The following FAM120AOS variants were observed in gnomAD, a reference collection of about 807,000 sequenced individuals.
The protein encoded by FAM120AOS is uncharacterized protein FAM120AOS.
In FAM120AOS, 15 loss-of-function variants were observed where a neutral mutation model predicts 20.2. That is an observed-to-expected ratio of 0.74 (90% CI 0.50 to 1.15). The LOEUF is 1.15. Ranked by LOEUF, FAM120AOS falls within the 50% of genes most tolerant of loss-of-function variation. The pLI is 0.00. For synonymous variants in FAM120AOS, 154 were observed against 154.0 expected (o/e 1.00, Z 0.00); for missense variants, 327 against 351.9 (o/e 0.93, Z 0.57).
intron 2 of FAM120AOS, among the ~76,000 whole-genome samples, chr9:93,449,649 G>C (rs144587177): frequency 2.2e-3 from 336 of 151,708 alleles, no homozygotes; most frequent in African/African-American, 7.7e-3. Context: ...CACCACGCTC[G>C]GCTAATTTTT....
rs1469874686 is a variant in FAM120AOS, at chr9:93,443,919, G to A, written c.*3692C>T. Among the ~76,000 whole-genome samples, 2 of 152,138 alleles carry A rather than the reference G, an allele frequency of 1.3e-5. No individual in the cohort carries two copies. The highest frequency in any genetic ancestry group is 2.9e-5 in the Non-Finnish European group (2 of 68,026). On this transcript the variant is annotated 3_prime_UTR_variant, in exon 3 of 3. Transcript: ENST00000375412. ...TTTTGCCAAAAGGAACGCCCCTCAG[G>A]CAGAAAGCAGAGAGAGAAAAAAAGA...
Position 93,443,489 on chromosome 9 carries a change from C to T in FAM120AOS, c.*4122G>A, listed in dbSNP as rs550532062. Among the ~76,000 whole-genome samples the T allele has an allele frequency of 1.3e-4, 20 of 152,350 alleles. No individual in the cohort carries two copies. The highest frequency in any genetic ancestry group is 4.6e-4 in the African/African-American group (19 of 41,582). ...GTTTCAGGTTGGAAGGTCATTTTTA[C>T]AGTTCTGAACTGCTGTGCAGTGAGG... On this transcript the variant is annotated 3_prime_UTR_variant, in exon 3 of 3. Transcript: ENST00000375412.
intron 1 of FAM120AOS, chr9:93,451,653 G>GCCCT (rs1297456981): frequency 1.0e-6 from 1 of 976,256 alleles, no homozygotes; most frequent in Non-Finnish European, 1.2e-6. Flanking sequence ...CCGCCCGCCC[G>GCCCT]CCCCGCCCCG....
At position 93,447,639 on chromosome 9, in the gene FAM120AOS, G is replaced by A. The variant is rs140119177; in HGVS notation, c.743C>T (p.Thr248Ile). ...AATTGGACTCAAGAATGATCTTAGT[G>A]TTGGTGGTTTTGTGGTTTTCTTTGA... ...KVSKKTTKPP[T>I]LRSFLSPI The change falls in exon 3 of 3, where the codon ACA becomes ATA. Residue 248 changes from threonine to isoleucine, a missense_variant. Transcript: ENST00000375412. 64 of 1,613,764 alleles carry A rather than the reference G, an allele frequency of 4.0e-5. No homozygotes were observed. The African/African-American group carries it at 6.9e-4, about 17-fold the overall frequency.
At position 93,452,482 on chromosome 9, in the gene FAM120AOS, G is replaced by A; in HGVS notation, c.228C>T (p.Arg76=). The change falls in exon 1 of 3, where the codon CGC becomes CGT. Residue 76 remains arginine, a synonymous_variant. Coordinates refer to ENST00000375412, the MANE Select transcript of FAM120AOS (RefSeq NM_198841.4). The surrounding 1 kb of genome is among the most constrained non-coding windows in gnomAD (Gnocchi z 7.0). Reference sequence around the variant, plus strand: ...CGCAGAATGTCGCCCGGCCGTGGCGGCGCTGGGGGCAGCGAGTTCCCCCAG... The same window carrying A: ...CGCAGAATGTCGCCCGGCCGTGGCGACGCTGGGGGCAGCGAGTTCCCCCAG... The part of the protein sequence containing the change: ...ARAGGTRCPQ[R]RHGRATFCAL... The A allele has an allele frequency of 6.5e-7, 1 of 1,543,914 alleles. No homozygotes were observed. Among genetic ancestry groups the A allele is most frequent in the Non-Finnish European group, 8.7e-7 (1 of 1,149,074 alleles).
At position 93,452,867 on chromosome 9, in the gene FAM120AOS, A is replaced by AT. The variant is rs1857335643; in HGVS notation, c.-159dup. 2 of 1,466,968 alleles carry AT rather than the reference A, an allele frequency of 1.4e-6. No homozygotes were observed. Among genetic ancestry groups the AT allele is most frequent in the African/African-American group, 2.8e-5 (2 of 70,236 alleles). The allele number at this position is 1,466,968 out of a possible 1,614,324, so 90.9% of individuals were successfully genotyped here. A position where few individuals can be genotyped will look rare whatever the true frequency, so the allele number is the denominator to read the frequency against. On this transcript the variant is annotated 5_prime_UTR_variant, in exon 1 of 3. Transcript: ENST00000375412. This position sits in a 1 kb window ranked among gnomAD's most constrained non-coding sequence, Gnocchi z 7.0. The stretch of plus-strand genomic sequence containing the variant: ...TCGCCAGAGCCCTTGGGGGCTGCAA[A>AT]TATCAGTGCTGCTGCCGCCGCCCTT...
chr9:93,449,863 G>T (rs564259691), intron 2 of FAM120AOS, among the ~76,000 whole-genome samples: 1 of 152,280 alleles, frequency 6.6e-6, no homozygotes, highest in Non-Finnish European at 1.5e-5. Flanking sequence ...TGCTACAAAT[G>T]AAAATACGAG....
chr9:93,449,785 C>G (rs771163349), intron 2 of FAM120AOS, among the ~76,000 whole-genome samples: 1 of 151,846 alleles, frequency 6.6e-6, no homozygotes, highest in Non-Finnish European at 1.5e-5. Context: ...CACGCCCGGC[C>G]GCACTAATGC....
At chr9:93,449,639 C>T (rs1313090911) in intron 2 of FAM120AOS, among the ~76,000 whole-genome samples, 1 of 151,304 alleles carries the variant, frequency 6.6e-6, no homozygotes, top group African/African-American at 2.4e-5. Context: ...AGGTGCGCAC[C>T]ACCACGCTCG....
At position 93,450,614 on chromosome 9, in the gene FAM120AOS, C is replaced by T; in HGVS notation, c.564-15G>A. ...TACAGAGGTTTCTCCAAAAAAAGAA[C>T]AAATGGAGAGATGAAGGTAAGTAAA... is the stretch of plus-strand genomic sequence containing the variant. On this transcript the variant is annotated splice_polypyrimidine_tract_variant and intron_variant, in intron 1 of 2. Coordinates refer to ENST00000375412, the MANE Select transcript of FAM120AOS (RefSeq NM_198841.4). 6.2e-7 allele frequency: 1 copy of T among 1,606,086 alleles called. No homozygotes were observed. Among genetic ancestry groups the T allele is most frequent in the South Asian group, 1.1e-5 (1 of 90,226 alleles).
intron 1 of FAM120AOS, chr9:93,451,501 C>G (rs566024400): frequency 2.5e-5 from 25 of 1,016,566 alleles, no homozygotes; most frequent in Admixed American, 5.8e-5. Flanking sequence ...CCTCCCGGAT[C>G]CCGTCCCGGC....
intron 1 of FAM120AOS, chr9:93,451,241 C>T: frequency 2.0e-6 from 3 of 1,519,220 alleles, no homozygotes; most frequent in Non-Finnish European, 1.8e-6. Flanking sequence ...GGCGGCGTCC[C>T]GACGAACAGA....
Position 93,453,105 on chromosome 9 carries a change from C to CTT in FAM120AOS, c.-398_-397dup. ...GACTTCACGTCCGTGTGAAAGAGGT[C>CTT]TTTAAGGCAGTTCGGTTTTGTAGAT... is the stretch of plus-strand genomic sequence containing the variant. On this transcript the variant is annotated 5_prime_UTR_variant, in exon 1 of 3. An upstream open reading frame in the 5' UTR gains an earlier in-frame stop. Coordinates refer to ENST00000375412, the MANE Select transcript of FAM120AOS (RefSeq NM_198841.4). The CTT allele has an allele frequency of 9.7e-7, 1 of 1,028,648 alleles. No individual in the cohort carries two copies. Among genetic ancestry groups the CTT allele is most frequent in the South Asian group, 3.5e-5 (1 of 28,386 alleles). The allele number at this position is 1,028,648 out of a possible 1,614,324, so 63.7% of individuals were successfully genotyped here. A position where few individuals can be genotyped will look rare whatever the true frequency, so the allele number is the denominator to read the frequency against.
chr9:93,444,614 CT>C lies in FAM120AOS; in HGVS notation c.*2996del, dbSNP rs143027778. Among the ~76,000 whole-genome samples the C allele has an allele frequency of 3.2e-3, 456 of 143,344 alleles. No homozygotes were observed. The highest frequency in any genetic ancestry group is 4.9e-3 in the African/African-American group (192 of 39,254). The allele number at this position is 143,344 out of a possible 152,430, so 94.0% of individuals were successfully genotyped here. On this transcript the variant is annotated 3_prime_UTR_variant, in exon 3 of 3. Coordinates refer to ENST00000375412, the MANE Select transcript of FAM120AOS (RefSeq NM_198841.4). Reference sequence around the variant, plus strand: ...GTTTTGAGGCCAGTAAGGAGTTCTGCTTTTTTTTTTTTTTCCTGAGACGGAG... The same window carrying C: ...GTTTTGAGGCCAGTAAGGAGTTCTGCTTTTTTTTTTTTTCCTGAGACGGAG...
Position 93,444,700 on chromosome 9 carries a change from C to T in FAM120AOS, c.*2911G>A, listed in dbSNP as rs1856791770. 6.6e-6 allele frequency among the ~76,000 whole-genome samples: 1 copy of T among 151,932 alleles called. No homozygotes were observed. On this transcript the variant is annotated 3_prime_UTR_variant, in exon 3 of 3. Transcript: ENST00000375412. ...TGCGATCTCGGCTCACCGCAACCTC[C>T]GCCTCCCAGGTTCAAGGGATTCTTC...
In FAM120AOS at chr9:93,453,287, C is replaced by T. The variant is rs1204590778; in HGVS notation, c.-578G>A. On this transcript the variant is annotated 5_prime_UTR_variant, in exon 1 of 3. Transcript: ENST00000375412. ...TCTATATCACCGGCCTCCTCTGGCC[C>T]TTTGGCAGAGGGCTTCGCAGCTGGC... 1.1e-5 allele frequency: 11 copies of T among 987,130 alleles called. No homozygotes were observed. The highest frequency in any genetic ancestry group is 1.3e-5 in the Non-Finnish European group (11 of 831,220). 61.1% of individuals were successfully genotyped at this position (987,130 alleles called of 1,614,324 possible). A position where few individuals can be genotyped will look rare whatever the true frequency, so the allele number is the denominator to read the frequency against.
intron 2 of FAM120AOS, 41 bp from the exon 3 acceptor site, chr9:93,447,738 G>T (rs772335844): frequency 2.0e-6 from 3 of 1,536,890 alleles, no homozygotes; most frequent in African/African-American, 1.4e-5. Flanking sequence ...TATTAGTTTG[G>T]AATATGAAAT....
chr9:93,447,810 C>A (rs1317812225), intron 2 of FAM120AOS, 113 bp from the exon 3 acceptor site: 2 of 907,756 alleles, frequency 2.2e-6, no homozygotes, highest in Non-Finnish European at 1.7e-6. Flanking sequence ...CTACCCTCTG[C>A]TACTGCTGAT....
In FAM120AOS at chr9:93,444,188, G is replaced by A. The variant is rs1345221273; in HGVS notation, c.*3423C>T. 6.6e-6 allele frequency among the ~76,000 whole-genome samples: 1 copy of A among 152,014 alleles called. No individual in the cohort carries two copies. Among genetic ancestry groups the A allele is most frequent in the Non-Finnish European group, 1.5e-5 (1 of 67,988 alleles). On this transcript the variant is annotated 3_prime_UTR_variant, in exon 3 of 3. Transcript: ENST00000375412. ...CCCGAGTAGCTGGAATTATAGGCAT[G>A]CACCACCACGCCCAGCTAATTTTGT... is the stretch of plus-strand genomic sequence containing the variant.
Sources: gnomAD v4.1 joint callset for allele counts (sites outside exome capture counted in the v4.1 genomes callset) on GRCh38, gnomAD v4.1.1 for gene constraint, Gnocchi (gnomAD v3.1) non-coding constraint, MANE v1.5 for transcripts, NCBI Gene and HGNC (gene_info 2026-07-23, HGNC 2026-07-21) for gene names.